The following STRN3 variants were observed in gnomAD, a reference collection of about 807,000 sequenced individuals.
STRN3 encodes striatin 3, also known as striatin-3.
A neutral mutation model predicts 95.6 loss-of-function variants in STRN3; 29 were observed. That is an observed-to-expected ratio of 0.30 (90% confidence interval 0.23 to 0.41). STRN3 has a LOEUF of 0.41. Ranked by LOEUF, STRN3 falls within the 10% of genes least tolerant of loss-of-function variation. The probability of loss-of-function intolerance (pLI) is 1.00; values close to 1 mark genes in which losing one functional copy is unlikely to be tolerated. For synonymous variants in STRN3, 331 were observed against 357.6 expected (o/e 0.93, Z 0.84); for missense variants, 890 against 972.1 (o/e 0.92, Z 1.12).
intron 1 of STRN3, among the ~76,000 whole-genome samples, chr14:30,992,994 A>G (rs1380120971): frequency 1.3e-5 from 2 of 152,152 alleles, no homozygotes; most frequent in Non-Finnish European, 2.9e-5. Context: ...TCCCAGCTAG[A>G]TATTTCACTA....
intron 8 of STRN3, among the ~76,000 whole-genome samples, chr14:30,919,994 T>TA (rs1272383898): frequency 6.6e-6 from 1 of 152,094 alleles, no homozygotes; most frequent in Non-Finnish European, 1.5e-5. Context: ...TACATAAGTT[T>TA]AAAAAAATAA....
chr14:31,006,650 G>A (rs911176659), intron 1 of STRN3, among the ~76,000 whole-genome samples: 8 of 152,090 alleles, frequency 5.3e-5, no homozygotes, highest in Middle Eastern at 3.4e-3. Flanking sequence ...AGCTGAGATC[G>A]CGCCACTGCA....
chr14:30,960,774 C>T (rs1207894193), intron 1 of STRN3, among the ~76,000 whole-genome samples: 1 of 142,860 alleles, frequency 7.0e-6, no homozygotes, highest in African/African-American at 2.6e-5. Flanking sequence ...GAGGCTGAGT[C>T]AGGAGAATGG....
At chr14:30,899,041 G>T (rs1896234279) in intron 16 of STRN3, among the ~76,000 whole-genome samples, 1 of 152,230 alleles carries the variant, frequency 6.6e-6, no homozygotes, top group South Asian at 2.1e-4. Flanking sequence ...AAATGAGTTA[G>T]AACAATGTCT....
intron 5 of STRN3, among the ~76,000 whole-genome samples, chr14:30,944,209 G>A (rs1331903902): frequency 6.6e-6 from 1 of 151,988 alleles, no homozygotes; most frequent in African/African-American, 2.4e-5. Context: ...TGGCAAACCT[G>A]TATTGCTGTA....
chr14:31,011,151 C>A (rs1387080551), intron 1 of STRN3, among the ~76,000 whole-genome samples: 1 of 152,160 alleles, frequency 6.6e-6, no homozygotes, highest in South Asian at 2.1e-4. Flanking sequence ...TGTTTTCATT[C>A]CAGGATCAAA....
intron 1 of STRN3, among the ~76,000 whole-genome samples, chr14:31,004,408 G>A (rs1882622136): frequency 6.6e-6 from 1 of 152,130 alleles, no homozygotes; most frequent in African/African-American, 2.4e-5. Flanking sequence ...CAGCCAGGGT[G>A]ACAGAGCAAG....
chr14:30,894,992 G>A lies in STRN3; in HGVS notation c.*419C>T. 2.8e-6 allele frequency: 2 copies of A among 706,544 alleles called. No individual in the cohort carries two copies. The highest frequency in any genetic ancestry group is 3.6e-6 in the Non-Finnish European group (2 of 553,808). 43.8% of individuals were successfully genotyped at this position (706,544 alleles called of 1,614,324 possible). A position where few individuals can be genotyped will look rare whatever the true frequency, so the allele number is the denominator to read the frequency against. On this transcript the variant is annotated 3_prime_UTR_variant, in exon 18 of 18. Transcript: ENST00000357479. ...TAAGAGATGAAAAAAAGCTACTCTT[G>A]GAGCTCACTTCCCCCAACAAGAGCA...
At chr14:30,994,883 T>G (rs1882128635) in intron 1 of STRN3, among the ~76,000 whole-genome samples, 1 of 152,216 alleles carries the variant, frequency 6.6e-6, no homozygotes, top group African/African-American at 2.4e-5. Context: ...TAAGAACATC[T>G]CTATTCTTTT....
chr14:30,988,928 C>G (rs549960093), intron 1 of STRN3, among the ~76,000 whole-genome samples: 74 of 152,300 alleles, frequency 4.9e-4, no homozygotes, highest in Non-Finnish European at 8.4e-4. Context: ...ACAAATTAGG[C>G]AACTAAGCCA....
chr14:31,011,702 C>G (rs568524862), intron 1 of STRN3, among the ~76,000 whole-genome samples: 35 of 152,076 alleles, frequency 2.3e-4, no homozygotes, highest in Non-Finnish European at 3.8e-4. Flanking sequence ...GACCAGGGAG[C>G]AGTTACATAT....
At position 30,928,738 on chromosome 14, in the gene STRN3, G is replaced by C. The variant is rs74040953; in HGVS notation, c.1099+463C>G. Among the ~76,000 whole-genome samples the C allele has an allele frequency of 3.8e-3, 578 of 152,226 alleles. 2 individuals are homozygous for C. The highest frequency in any genetic ancestry group is 0.013 in the African/African-American group (543 of 41,538). On this transcript the variant is annotated intron_variant, in intron 8 of 17. Transcript: ENST00000357479. ...ATTCTTTTTGCTATTGTTGTTGTTA[G>C]TAGTTGGATTAAGACCAGAAAGCAG...
rs1432920428 is a variant in STRN3 at position 30,918,991 on chromosome 14, A to T, written c.1215T>A (p.Asp405Glu). The change falls in exon 9 of 18, where the codon GAT becomes GAA. Residue 405 changes from aspartate to glutamate, a missense_variant. Physicochemically the swap from Asp to Glu is conservative, Grantham distance 45 (BLOSUM62 2). Transcript: ENST00000357479. Reference protein sequence around the residue: ...QSRSASTRMTDHEGARAEEAE... With the variant: ...QSRSASTRMTEHEGARAEEAE... ...CTTCCTCTGCTCTTGCACCTTCATG[A>T]TCAGTCATTCTAGTAGAGGCTGACC... 2 of 1,597,320 alleles carry T rather than the reference A, an allele frequency of 1.3e-6. No individual in the cohort carries two copies. The highest frequency in any genetic ancestry group is 1.7e-5 in the Admixed American group (1 of 58,486).
chr14:30,934,343 A>G (rs1878712340), intron 7 of STRN3, among the ~76,000 whole-genome samples: 1 of 151,958 alleles, frequency 6.6e-6, no homozygotes, highest in Admixed American at 6.6e-5. Flanking sequence ...AATAATAACA[A>G]TAATAATAAC....
intron 1 of STRN3, among the ~76,000 whole-genome samples, chr14:31,008,561 C>A (rs908509403): frequency 2.6e-5 from 4 of 152,170 alleles, no homozygotes; most frequent in South Asian, 4.1e-4. Flanking sequence ...TATTTAGCAG[C>A]ATCATTTTTA....
At chr14:30,984,990 G>A (rs1881608697) in intron 1 of STRN3, among the ~76,000 whole-genome samples, 1 of 152,082 alleles carries the variant, frequency 6.6e-6, no homozygotes, top group Non-Finnish European at 1.5e-5. Flanking sequence ...AAAGTTAGAT[G>A]TAATTGCGGA....
chr14:30,971,755 T>C (rs946100369), intron 1 of STRN3, among the ~76,000 whole-genome samples: 1 of 152,142 alleles, frequency 6.6e-6, no homozygotes, highest in African/African-American at 2.4e-5. Flanking sequence ...AATGACCCCT[T>C]TACAGGATGG....
intron 16 of STRN3, 83 bp from the exon 17 acceptor site, chr14:30,895,831 T>G (rs1443091729): frequency 1.7e-6 from 2 of 1,206,280 alleles, no homozygotes; most frequent in Non-Finnish European, 2.3e-6. Context: ...AGCATCAACA[T>G]AAAACAATCA....
intron 1 of STRN3, among the ~76,000 whole-genome samples, chr14:31,006,008 C>T (rs1882692377): frequency 6.6e-6 from 1 of 151,200 alleles, no homozygotes; most frequent in South Asian, 2.1e-4. Flanking sequence ...GTAATCTCAG[C>T]TACTCAGGAG....
Sources: allele counts gnomAD v4.1 joint callset (sites outside exome capture counted in the v4.1 genomes callset), GRCh38; gene constraint gnomAD v4.1.1; transcripts MANE v1.5; gene names NCBI Gene and HGNC (gene_info 2026-07-23, HGNC 2026-07-21).